Variants in CORIN observed in about 807,000 individuals in gnomAD.
The protein encoded by CORIN is atrial natriuretic peptide-converting enzyme.
In CORIN, 117 loss-of-function variants were observed where a neutral mutation model predicts 125.3. The observed-to-expected ratio is 0.93, with a 90% CI of 0.80 to 1.09. The LOEUF (loss-of-function observed/expected upper bound fraction) is 1.09, where lower values mean the gene tolerates loss of function less well. Ranked by LOEUF, CORIN falls within the 50% of genes least tolerant of loss-of-function variation. The pLI is 0.00. For synonymous variants in CORIN, 450 were observed against 466.4 expected, an observed-to-expected ratio of 0.96 and a Z score of 0.45; for missense variants, 1,253 against 1,306.7, an observed-to-expected ratio of 0.96 and a Z score of 0.63.
At chr4:47,728,545 G>A (rs1224533291) in intron 5 of CORIN, among the ~76,000 whole-genome samples, 1 of 152,200 alleles carries the variant, frequency 6.6e-6, no homozygotes, top group East Asian at 1.9e-4. Flanking sequence ...AATAGCAAAT[G>A]AGCAGCATTC....
rs752174102 is a variant in CORIN, at chr4:47,674,447, C to G, written c.1303G>C (p.Asp435His). Residue 435 changes from aspartate (D) to histidine (H), a missense_variant, in exon 10 of 22, where the codon GAT (aspartate) becomes CAT (histidine). Physicochemically the swap from Asp to His is moderately conservative, Grantham distance 81. Transcript: ENST00000273857. ...DQRCLYNPCL[D>H]SCGGSSLCDP... ...CAGAGAGAGCTACCACCACATGAAT[C>G]AAGGCAGGGATTGTAGAGGCATCTT... 1 of 1,613,944 alleles carries G rather than the reference C, an allele frequency of 6.2e-7. No homozygotes were observed. The highest frequency in any genetic ancestry group is 8.5e-7 in the Non-Finnish European group (1 of 1,179,970).
intron 5 of CORIN, among the ~76,000 whole-genome samples, chr4:47,698,274 ATTAATATTGG>A (rs1726121980): frequency 6.6e-6 from 1 of 151,784 alleles, no homozygotes; most frequent in Non-Finnish European, 1.5e-5. Context: ...CATTAATATT[ATTAATATTGG>A]CACCCAATAT....
intron 7 of CORIN, chr4:47,682,097 G>C (rs1725311103): frequency 1.3e-5 from 2 of 152,174 alleles, no homozygotes; most frequent in African/African-American, 4.8e-5. Context: ...CATGGAAATA[G>C]AGAGTAGAAC....
chr4:47,676,519 T>C (rs879035077), intron 9 of CORIN, among the ~76,000 whole-genome samples: 3 of 152,136 alleles, frequency 2.0e-5, no homozygotes, highest in Admixed American at 2.0e-4. Context: ...TGCTGCATGG[T>C]TAAGCATTGA....
intron 19 of CORIN, 25 bp downstream of exon 19, chr4:47,623,546 G>A: frequency 6.2e-7 from 1 of 1,607,654 alleles, no homozygotes; most frequent in Non-Finnish European, 8.5e-7. Flanking sequence ...TCCAGGCAAA[G>A]GAAAAAAGGA....
intron 19 of CORIN, among the ~76,000 whole-genome samples, chr4:47,612,116 G>C (rs553019416): frequency 1.0e-3 from 156 of 152,218 alleles, no homozygotes; most frequent in African/African-American, 3.7e-3. Flanking sequence ...TCAATTTTTT[G>C]GAATAGTTTT....
intron 21 of CORIN, among the ~76,000 whole-genome samples, chr4:47,598,687 C>T (rs767369096): frequency 6.6e-6 from 1 of 152,178 alleles, no homozygotes; most frequent in African/African-American, 2.4e-5. Context: ...CTCAGTCTAC[C>T]ACCTTCATGC....
At chr4:47,675,328 T>C (rs1724965735) in intron 9 of CORIN, among the ~76,000 whole-genome samples, 1 of 152,244 alleles carries the variant, frequency 6.6e-6, no homozygotes, top group Non-Finnish European at 1.5e-5. Flanking sequence ...TATGTGTGTA[T>C]GTATAATCAT....
chr4:47,616,499 C>G (rs1476815235), intron 19 of CORIN, among the ~76,000 whole-genome samples: 1 of 152,026 alleles, frequency 6.6e-6, no homozygotes, highest in East Asian at 1.9e-4. Context: ...ATGAAGAAAA[C>G]AAGGAGTTTT....
intron 8 of CORIN, among the ~76,000 whole-genome samples, chr4:47,678,830 C>T (rs535946387): frequency 6.6e-6 from 1 of 152,290 alleles, no homozygotes; most frequent in South Asian, 2.1e-4. Context: ...AAGTGTTCTA[C>T]CTGAGCACCA....
intron 1 of CORIN, among the ~76,000 whole-genome samples, chr4:47,807,884 G>A (rs1731864008): frequency 6.6e-6 from 1 of 152,128 alleles, no homozygotes; most frequent in South Asian, 2.1e-4. Flanking sequence ...GAAACTCTCC[G>A]AGTCTCCTTA....
At chr4:47,800,271 TTAAC>T (rs1176421779) in intron 2 of CORIN, among the ~76,000 whole-genome samples, 1 of 151,786 alleles carries the variant, frequency 6.6e-6, no homozygotes, top group Non-Finnish European at 1.5e-5. Flanking sequence ...AAATTATTAA[TTAAC>T]TAATAATTAA....
At chr4:47,802,738 A>G (rs548510021) in intron 2 of CORIN, among the ~76,000 whole-genome samples, 19 of 152,310 alleles carry the variant, frequency 1.2e-4, no homozygotes, top group African/African-American at 4.3e-4. Flanking sequence ...CCACCTGCTG[A>G]TTGTAGACTC....
chr4:47,734,825 G>A (rs1728050279), intron 5 of CORIN, among the ~76,000 whole-genome samples: 2 of 152,180 alleles, frequency 1.3e-5, no homozygotes, highest in African/African-American at 4.8e-5. Context: ...CTAGGTGTTA[G>A]TAGCAACTCC....
At chr4:47,757,867 C>CAT (rs1274991991) in intron 4 of CORIN, among the ~76,000 whole-genome samples, 13 of 91,730 alleles carry the variant, frequency 1.4e-4, no homozygotes, top group South Asian at 3.5e-4. Context: ...CATATATATA[C>CAT]ATATATATAT....
At chr4:47,634,405 A>T (rs929480886) in intron 16 of CORIN, among the ~76,000 whole-genome samples, 2 of 152,236 alleles carry the variant, frequency 1.3e-5, no homozygotes, top group Admixed American at 6.5e-5. Flanking sequence ...AGGCCAAAGC[A>T]GGTGGATCAC....
At chr4:47,821,224 G>C (rs1732497096) in intron 1 of CORIN, among the ~76,000 whole-genome samples, 1 of 151,168 alleles carries the variant, frequency 6.6e-6, no homozygotes, top group Admixed American at 6.6e-5. Context: ...GACAGAGCGA[G>C]ACCCCATCTC....
At chr4:47,657,492 G>A (rs561859403) in intron 12 of CORIN, among the ~76,000 whole-genome samples, 3 of 140,252 alleles carry the variant, frequency 2.1e-5, no homozygotes, top group Admixed American at 7.9e-5. Context: ...CGGAGATCAC[G>A]CCACTGCACT....
At chr4:47,795,173 T>C (rs149610516) in intron 2 of CORIN, among the ~76,000 whole-genome samples, 1 of 152,294 alleles carries the variant, frequency 6.6e-6, no homozygotes, top group Non-Finnish European at 1.5e-5. Context: ...TCTAGTGCTA[T>C]ACTGCTTTGA....
Sources: gnomAD v4.1 joint callset for allele counts (sites outside exome capture counted in the v4.1 genomes callset) on GRCh38, gnomAD v4.1.1 for gene constraint, MANE v1.5 for transcripts, NCBI Gene and HGNC (gene_info 2026-07-23, HGNC 2026-07-21) for gene names.